IQSEC1: variants seen among roughly 807,000 people sequenced by gnomAD.
IQSEC1 encodes IQ motif and Sec7 domain ArfGEF 1, also known as IQ motif and SEC7 domain-containing protein 1.
Under a neutral mutation model 91.0 loss-of-function variants are expected in IQSEC1, and 31 were observed. That is an observed-to-expected ratio of 0.34 (90% CI 0.26 to 0.46). The LOEUF (loss-of-function observed/expected upper bound fraction) is 0.46. Among genes scored for constraint, IQSEC1 ranks in the 20% least tolerant of loss-of-function variants. The probability of loss-of-function intolerance (pLI) is 1.00; values close to 1 mark genes in which losing one functional copy is unlikely to be tolerated. For synonymous variants in IQSEC1, 699 were observed against 662.6 expected, an observed-to-expected ratio of 1.05 and a Z score of -0.84; for missense variants, 1,388 against 1,575.6, an observed-to-expected ratio of 0.88 and a Z score of 2.02.
At position 12,899,329 on chromosome 3, in the gene IQSEC1, C is replaced by T. The variant is rs754314911; in HGVS notation, c.*1654G>A. On this transcript the variant is annotated 3_prime_UTR_variant, in exon 14 of 14. Coordinates refer to ENST00000613206, the MANE Select transcript of IQSEC1 (RefSeq NM_001134382.3). ...CCCGCAGAGTCAGGCGTGAGCTTCG[C>T]CCTTTCTGAAAGGGCCTCCGCCTGG... 1.1e-4 allele frequency: 171 copies of T among 1,583,964 alleles called. No individual in the cohort carries two copies. Among genetic ancestry groups the T allele is most frequent in the Non-Finnish European group, 1.4e-4 (167 of 1,158,912 alleles).
chr3:13,221,956 G>C (rs561018651), intron 1 of IQSEC1, among the ~76,000 whole-genome samples: 3 of 152,352 alleles, frequency 2.0e-5, no homozygotes, highest in African/African-American at 7.2e-5. Flanking sequence ...GGGCAGGAGG[G>C]AGGAGAAACA....
upstream of IQSEC1, among the ~76,000 whole-genome samples, chr3:13,075,038 T>C (rs1705541353): frequency 6.6e-6 from 1 of 152,198 alleles, no homozygotes. Flanking sequence ...CGCTTCCCGA[T>C]CTGCCCTCTC....
chr3:12,952,892 T>C (rs779540351), intron 1 of IQSEC1, among the ~76,000 whole-genome samples: 11 of 152,114 alleles, frequency 7.2e-5, no homozygotes, highest in Non-Finnish European at 1.0e-4. Context: ...AGAAGGCATG[T>C]GGTTTGAGCT....
Position 12,994,472 on chromosome 3 carries a change from C to G in IQSEC1, c.24-52607G>C, listed in dbSNP as rs1702142396. ...GCGGATGGGTCAGGAGAGCGGGGTA[C>G]GCGGGGTCCAGGCGCGGAACCGGGG... On this transcript the variant is annotated intron_variant, in intron 1 of 13. Coordinates refer to ENST00000613206, the MANE Select transcript of IQSEC1 (RefSeq NM_001134382.3). This position sits in a 1 kb window ranked among gnomAD's most constrained non-coding sequence, Gnocchi z 4.5. Among the ~76,000 whole-genome samples the G allele has an allele frequency of 6.6e-6, 1 of 152,024 alleles. No homozygotes were observed. The highest frequency in any genetic ancestry group is 1.5e-5 in the Non-Finnish European group (1 of 67,988).
At position 13,193,304 on chromosome 3, in the gene IQSEC1, T is replaced by C. The variant is rs1229650074; in HGVS notation, c.273-29171A>G. 6.6e-6 allele frequency among the ~76,000 whole-genome samples: 1 copy of C among 152,230 alleles called. No homozygotes were observed. The highest frequency in any genetic ancestry group is 1.5e-5 in the Non-Finnish European group (1 of 68,028). Reference sequence around the variant, plus strand: ...CACTGATGACTGCGCTTCTGAGCCATTTCCGGCCTGTGGCAATGTCTTTTA... The same window carrying C: ...CACTGATGACTGCGCTTCTGAGCCACTTCCGGCCTGTGGCAATGTCTTTTA... On this transcript the variant is annotated intron_variant, in intron 1 of 15. Coordinates refer to the IQSEC1 transcript ENST00000648114. The surrounding 1 kb of genome is among the most constrained non-coding windows in gnomAD (Gnocchi z 4.2).
intron 1 of IQSEC1, among the ~76,000 whole-genome samples, chr3:13,040,962 G>A (rs1704238746): frequency 6.6e-6 from 1 of 152,116 alleles, no homozygotes; most frequent in Non-Finnish European, 1.5e-5. Context: ...TCCGGCGTCT[G>A]CATGGACTGA....
chr3:13,160,618 G>A (rs1173000524), intron 2 of IQSEC1, among the ~76,000 whole-genome samples: 2 of 152,218 alleles, frequency 1.3e-5, no homozygotes, highest in African/African-American at 4.8e-5. Flanking sequence ...AGGGTGTTGC[G>A]GGGGCAGTCT....
At chr3:12,930,177 G>C (rs1040765606) in intron 3 of IQSEC1, among the ~76,000 whole-genome samples, 6 of 152,002 alleles carry the variant, frequency 3.9e-5, no homozygotes, top group African/African-American at 1.4e-4. Flanking sequence ...ATCCAGGAAA[G>C]GGTTCTCTCT....
intron 1 of IQSEC1, among the ~76,000 whole-genome samples, chr3:13,240,757 C>T (rs71306048): frequency 0.072 from 10,882 of 152,192 alleles, 693 homozygotes; most frequent in African/African-American, 0.17. Context: ...AATCTGGGCT[C>T]CATGAAAGAC....
intron 1 of IQSEC1, among the ~76,000 whole-genome samples, chr3:12,953,510 G>A: frequency 6.6e-6 from 1 of 152,194 alleles, no homozygotes; most frequent in East Asian, 1.9e-4. Flanking sequence ...AAAAATATAG[G>A]ACTCGAACAA....
rs909437811 is a variant in IQSEC1 at position 13,219,286 on chromosome 3, C to T, written c.273-55153G>A. Among the ~76,000 whole-genome samples the T allele has an allele frequency of 1.3e-4, 20 of 152,282 alleles. No homozygotes were observed. In the East Asian group the frequency reaches 2.9e-3, roughly 22 times the overall value. On this transcript the variant is annotated intron_variant, in intron 1 of 15. Coordinates refer to the IQSEC1 transcript ENST00000648114. ...CCCAAGTTCACTGGTAAGAGGAAGC[C>T]GAAGGTCAGCGGACTCCAGAACTGG... is the stretch of plus-strand genomic sequence containing the variant.
chr3:13,030,944 A>G (rs1703821504), intron 1 of IQSEC1, among the ~76,000 whole-genome samples: 1 of 152,266 alleles, frequency 6.6e-6, no homozygotes, highest in African/African-American at 2.4e-5. Flanking sequence ...AAGAAGCTAA[A>G]AGCAATGCAC....
intron 1 of IQSEC1, among the ~76,000 whole-genome samples, chr3:13,040,176 G>C (rs889520521): frequency 3.3e-5 from 5 of 152,156 alleles, no homozygotes; most frequent in Admixed American, 6.5e-5. Flanking sequence ...CCATACGTTT[G>C]TTCGTGCTTT....
rs145971463 is a variant in IQSEC1, at chr3:13,256,903, C to T, written c.272+25808G>A. Among the ~76,000 whole-genome samples, 198 of 151,984 alleles carry T rather than the reference C, an allele frequency of 1.3e-3. 2 individuals carry two copies. Among genetic ancestry groups the T allele is most frequent in the Middle Eastern group, 3.4e-3 (1 of 294 alleles). ...CAGCGGGTGCAGCACCAGCAGCCAG[C>T]GGCCCCTATCTTCCCCTGCTCCCCA... On this transcript the variant is annotated intron_variant, in intron 1 of 15. Coordinates refer to the IQSEC1 transcript ENST00000648114.
chr3:13,067,776 G>C (rs933460147), intron 1 of IQSEC1, among the ~76,000 whole-genome samples: 4 of 152,260 alleles, frequency 2.6e-5, no homozygotes. Context: ...CTGGAAAACA[G>C]GATGGCACAC....
At chr3:13,015,821 G>T in intron 1 of IQSEC1, 2 of 681,824 alleles carry the variant, frequency 2.9e-6, no homozygotes, top group Non-Finnish European at 3.6e-6. Flanking sequence ...TCCAGGTCTG[G>T]CAAACCCAAA....
chr3:12,989,215 G>A (rs902629693), intron 1 of IQSEC1, among the ~76,000 whole-genome samples: 1 of 152,166 alleles, frequency 6.6e-6, no homozygotes, highest in East Asian at 1.9e-4. Flanking sequence ...CATGGCTTTC[G>A]GTCTCTTTTG....
intron 1 of IQSEC1, among the ~76,000 whole-genome samples, chr3:12,951,598 T>C (rs1699551878): frequency 6.6e-6 from 1 of 152,206 alleles, no homozygotes; most frequent in Non-Finnish European, 1.5e-5. Context: ...TCCCCACTGA[T>C]GCCTAAAGCC....
chr3:13,024,296 A>G (rs1703520207), intron 1 of IQSEC1, among the ~76,000 whole-genome samples: 1 of 151,794 alleles, frequency 6.6e-6, no homozygotes, highest in Non-Finnish European at 1.5e-5. Flanking sequence ...CTTCCTTCCT[A>G]TCATCCATTC....
Sources: allele counts gnomAD v4.1 joint callset (sites outside exome capture counted in the v4.1 genomes callset), GRCh38; gene constraint gnomAD v4.1.1; non-coding constraint Gnocchi (gnomAD v3.1); transcripts MANE v1.5; gene names NCBI Gene and HGNC (gene_info 2026-07-23, HGNC 2026-07-21).